Variants in RREB1 observed in about 807,000 individuals in gnomAD.
The protein encoded by RREB1 is ras-responsive element-binding protein 1.
Under a neutral mutation model 117.8 loss-of-function variants are expected in RREB1, and 27 were observed. The observed-to-expected ratio is 0.23, with a 90% CI of 0.17 to 0.32. The LOEUF (loss-of-function observed/expected upper bound fraction) is 0.32. RREB1 is among the 10% of genes least tolerant of loss of function. RREB1 has a pLI of 1.00. For missense variants in RREB1, 2,577 were observed against 2,378.2 expected (o/e 1.08, Z -1.74); for synonymous variants, 1,298 against 1,026.7 (o/e 1.26, Z -5.05).
chr6:7,158,442 C>T (rs181431721), intron 1 of RREB1, among the ~76,000 whole-genome samples: 3 of 152,158 alleles, frequency 2.0e-5, no homozygotes, highest in Admixed American at 1.3e-4. Context: ...AACTCTCCCA[C>T]CTCCTGTAAT....
chr6:7,239,444 T>C (rs977243285), intron 10 of RREB1, among the ~76,000 whole-genome samples: 2 of 152,234 alleles, frequency 1.3e-5, no homozygotes, highest in Non-Finnish European at 2.9e-5. Flanking sequence ...CCCTTGTGCT[T>C]TCTTTCTCCC....
chr6:7,166,477 A>G (rs2113480622), intron 1 of RREB1, among the ~76,000 whole-genome samples: 1 of 152,302 alleles, frequency 6.6e-6, no homozygotes, highest in African/African-American at 2.4e-5. Context: ...TTTCTGTTGT[A>G]TGGCGGAGGG....
rs1561766300 is a variant in RREB1 at position 7,182,094 on chromosome 6, CA to C, written c.171+13del. The C allele has an allele frequency of 3.7e-6, 6 of 1,612,518 alleles. No individual in the cohort carries two copies. Among genetic ancestry groups the C allele is most frequent in the Non-Finnish European group, 5.1e-6 (6 of 1,178,746 alleles). On this transcript the variant is annotated intron_variant, in intron 4 of 12. Transcript: ENST00000379938. ...GCAGAAGGAACCAGGTAAGTGTTCA[CA>C]CCTAGTGGTGACCTCTGGTGGGTTC...
chr6:7,165,455 C>G (rs527550703), intron 1 of RREB1, among the ~76,000 whole-genome samples: 1 of 152,104 alleles, frequency 6.6e-6, no homozygotes, highest in South Asian at 2.1e-4. Context: ...TGATCACAAG[C>G]GTGTTGAAGA....
At chr6:7,225,936 A>T (rs912580028) in intron 8 of RREB1, among the ~76,000 whole-genome samples, 1 of 152,218 alleles carries the variant, frequency 6.6e-6, no homozygotes, top group African/African-American at 2.4e-5. Context: ...TAATACCACA[A>T]CTTAATGCAC....
At chr6:7,108,311 G>A (rs1438368480) in intron 1 of RREB1, among the ~76,000 whole-genome samples, 1 of 108,924 alleles carries the variant, frequency 9.2e-6, no homozygotes, top group South Asian at 2.6e-4. Flanking sequence ...CTGCGCGCCG[G>A]GCCATTCCTC....
At chr6:7,123,735 C>T (rs557570140) in intron 1 of RREB1, among the ~76,000 whole-genome samples, 6 of 151,350 alleles carry the variant, frequency 4.0e-5, no homozygotes, top group South Asian at 2.1e-4. Context: ...CTCAGCCTCC[C>T]GAGTAGCTGG....
chr6:7,119,870 G>A (rs933788098), intron 1 of RREB1, among the ~76,000 whole-genome samples: 16 of 152,166 alleles, frequency 1.1e-4, no homozygotes, highest in Non-Finnish European at 4.4e-5. Context: ...AAAACCGGTG[G>A]TGGCAGTAGA....
chr6:7,212,252 G>C (rs1038914198), intron 8 of RREB1: 3 of 152,306 alleles, frequency 2.0e-5, no homozygotes, highest in African/African-American at 7.2e-5. Context: ...AATGGAACCT[G>C]ATATGTTTCA....
intron 6 of RREB1, among the ~76,000 whole-genome samples, chr6:7,202,269 C>A (rs1331880493): frequency 6.6e-6 from 1 of 152,208 alleles, no homozygotes; most frequent in African/African-American, 2.4e-5. Context: ...TCTTTTGGAA[C>A]TGGCTGAGGA....
intron 1 of RREB1, among the ~76,000 whole-genome samples, chr6:7,158,251 A>G (rs938574317): frequency 3.3e-5 from 5 of 151,480 alleles, no homozygotes; most frequent in Non-Finnish European, 5.9e-5. Context: ...TCCATTGTCT[A>G]CCCCACCTGC....
chr6:7,109,614 T>A (rs952531138), intron 1 of RREB1, among the ~76,000 whole-genome samples: 1 of 152,176 alleles, frequency 6.6e-6, no homozygotes, highest in African/African-American at 2.4e-5. Flanking sequence ...TCGGCCGCCG[T>A]GCATCCGTGA....
In RREB1 at chr6:7,207,894, C is replaced by T. The variant is rs563266290; in HGVS notation, c.426-2910C>T. ...GGACAGATAGACAGAATTTCTGACT[C>T]AATGTGAGGGAGATGGTTTTAACAA... On this transcript the variant is annotated intron_variant, in intron 6 of 12. Coordinates refer to ENST00000379938, the MANE Select transcript of RREB1 (RefSeq NM_001003699.4). 4.6e-5 allele frequency among the ~76,000 whole-genome samples: 7 copies of T among 152,294 alleles called. No individual in the cohort carries two copies. The South Asian group carries it at 1.2e-3, about 27-fold the overall frequency.
chr6:7,144,309 C>G (rs1762763471), intron 1 of RREB1, among the ~76,000 whole-genome samples: 1 of 152,098 alleles, frequency 6.6e-6, no homozygotes, highest in Middle Eastern at 3.2e-3. Context: ...GTATCAAAAC[C>G]TCACCTGTAC....
chr6:7,213,814 T>C (rs1766747209), intron 8 of RREB1: 1 of 152,246 alleles, frequency 6.6e-6, no homozygotes, highest in African/African-American at 2.4e-5. Context: ...AGCCCGTCTG[T>C]ATACTTCATC....
chr6:7,223,502 G>A (rs982257226), intron 8 of RREB1, among the ~76,000 whole-genome samples: 5 of 139,668 alleles, frequency 3.6e-5, no homozygotes, highest in Non-Finnish European at 7.5e-5. Flanking sequence ...CAGAGGTTGC[G>A]GTGAACCAAG....
intron 6 of RREB1, among the ~76,000 whole-genome samples, chr6:7,200,629 T>C (rs1249281354): frequency 6.6e-6 from 1 of 152,188 alleles, no homozygotes; most frequent in Non-Finnish European, 1.5e-5. Flanking sequence ...TACTTTTGAT[T>C]TAGAATTTCT....
In RREB1 at chr6:7,123,243, C is replaced by T. The variant is rs541463542; in HGVS notation, c.-285+15183C>T. On this transcript the variant is annotated intron_variant, in intron 1 of 12. Coordinates refer to ENST00000379938, the MANE Select transcript of RREB1 (RefSeq NM_001003699.4). The stretch of plus-strand genomic sequence containing the variant: ...TGCAATCTCGTCTCACTGCAACTTC[C>T]ACCTCCCGGGTTCAAGCGATTCTCC... 3.3e-5 allele frequency among the ~76,000 whole-genome samples: 5 copies of T among 152,170 alleles called. No individual in the cohort carries two copies. The South Asian group carries it at 8.3e-4, about 25-fold the overall frequency.
intron 11 of RREB1, among the ~76,000 whole-genome samples, chr6:7,242,035 T>G (rs138178741): frequency 4.3e-4 from 65 of 152,356 alleles, no homozygotes; most frequent in African/African-American, 1.5e-3. Context: ...CCACATTACC[T>G]GTTAGTCTGG....
Sources: allele counts gnomAD v4.1 joint callset (sites outside exome capture counted in the v4.1 genomes callset), GRCh38; gene constraint gnomAD v4.1.1; transcripts MANE v1.5; gene names NCBI Gene and HGNC (gene_info 2026-07-23, HGNC 2026-07-21).